Variants in CHODL observed in about 807,000 individuals in gnomAD.
CHODL encodes chondrolectin.
In CHODL, 29 loss-of-function variants were observed where a neutral mutation model predicts 34.5. The observed-to-expected ratio is 0.84, with a 90% CI of 0.63 to 1.15. CHODL has a LOEUF of 1.15. CHODL is among the 50% of genes most tolerant of loss of function. The probability of loss-of-function intolerance (pLI) is 0.00; values close to 1 mark genes in which losing one functional copy is unlikely to be tolerated. For missense variants in CHODL, 332 were observed against 332.5 expected (o/e 1.00, Z 0.01); for synonymous variants, 125 against 116.1 (o/e 1.08, Z -0.49).
At chr21:18,203,685 G>C (rs1055035228) in intron 2 of CHODL, among the ~76,000 whole-genome samples, 1 of 152,038 alleles carries the variant, frequency 6.6e-6, no homozygotes, top group Non-Finnish European at 1.5e-5. Context: ...CGAATATATA[G>C]TATTTAGAAA....
chr21:18,056,460 T>C (rs978767048), intron 2 of CHODL, among the ~76,000 whole-genome samples: 2 of 147,544 alleles, frequency 1.4e-5, no homozygotes, highest in Non-Finnish European at 3.0e-5. Context: ...TGCATTGGCA[T>C]GGGCCTATTT....
At position 17,990,815 on chromosome 21, in the gene CHODL, T is replaced by C. The variant is rs1425683275; in HGVS notation, c.-144-37057T>C. On this transcript the variant is annotated intron_variant, in intron 1 of 6. Transcript: ENST00000400127. ...CTAAAACATTTATTATTTGTGTTGG[T>C]TACAATTTAAAATGACTCTTCCAGC... Among the ~76,000 whole-genome samples the C allele has an allele frequency of 4.6e-5, 7 of 152,246 alleles. No individual in the cohort carries two copies. In the East Asian group the frequency reaches 1.3e-3, roughly 29 times the overall value.
At chr21:18,020,107 A>G (rs1016170678) in intron 1 of CHODL, among the ~76,000 whole-genome samples, 1 of 152,158 alleles carries the variant, frequency 6.6e-6, no homozygotes, top group African/African-American at 2.4e-5. Flanking sequence ...ATTACATGAT[A>G]TGAAGCAAAT....
intron 2 of CHODL, among the ~76,000 whole-genome samples, chr21:18,089,802 A>T (rs780477216): frequency 4.6e-5 from 7 of 152,234 alleles, no homozygotes; most frequent in South Asian, 2.1e-4. Flanking sequence ...GGATATTTCA[A>T]CACACTTATT....
intron 2 of CHODL, among the ~76,000 whole-genome samples, chr21:18,071,017 T>G (rs1353974737): frequency 6.6e-6 from 1 of 152,114 alleles, no homozygotes; most frequent in African/African-American, 2.4e-5. Flanking sequence ...TTTCTTATAC[T>G]AAGTCATTAA....
chr21:18,071,715 A>G (rs998753242), intron 2 of CHODL, among the ~76,000 whole-genome samples: 2 of 148,884 alleles, frequency 1.3e-5, no homozygotes, highest in Admixed American at 6.6e-5. Flanking sequence ...TTTCTATTTC[A>G]TTTCTATTTC....
At chr21:17,997,866 G>A (rs955898328) in intron 1 of CHODL, among the ~76,000 whole-genome samples, 1 of 151,986 alleles carries the variant, frequency 6.6e-6, no homozygotes, top group African/African-American at 2.4e-5. Context: ...AGATTTGGAT[G>A]GGGACACAGC....
intron 1 of CHODL, among the ~76,000 whole-genome samples, chr21:17,966,640 G>A (rs1329854952): frequency 6.6e-6 from 1 of 152,168 alleles, no homozygotes; most frequent in African/African-American, 2.4e-5. Context: ...TCATGTATCT[G>A]CAGCTACAGA....
intron 2 of CHODL, among the ~76,000 whole-genome samples, chr21:18,047,536 C>A (rs1456721552): frequency 6.6e-6 from 1 of 151,806 alleles, no homozygotes; most frequent in African/African-American, 2.4e-5. Flanking sequence ...TTATTTCTGG[C>A]TGAGCAGAGC....
At chr21:18,132,312 G>A (rs914104740) in intron 2 of CHODL, among the ~76,000 whole-genome samples, 14 of 152,184 alleles carry the variant, frequency 9.2e-5, no homozygotes, top group South Asian at 2.1e-4. Flanking sequence ...TAGAAAAAAG[G>A]ATTGTGAATT....
At chr21:18,104,574 C>G (rs1331644775) in intron 2 of CHODL, among the ~76,000 whole-genome samples, 1 of 152,090 alleles carries the variant, frequency 6.6e-6, no homozygotes, top group Non-Finnish European at 1.5e-5. Context: ...ACCCAAGGCT[C>G]AAACCATATG....
At chr21:18,164,427 G>A (rs1291351061) in intron 2 of CHODL, among the ~76,000 whole-genome samples, 2 of 152,194 alleles carry the variant, frequency 1.3e-5, no homozygotes, top group Admixed American at 1.3e-4. Flanking sequence ...AGACAACTTA[G>A]GAGTCTGGTG....
chr21:18,046,117 G>T (rs536113608), intron 2 of CHODL, among the ~76,000 whole-genome samples: 1 of 151,954 alleles, frequency 6.6e-6, no homozygotes, highest in Non-Finnish European at 1.5e-5. Context: ...ATAAAAGGGG[G>T]TCAGTGTGAG....
At chr21:18,114,658 C>T (rs1393163551) in intron 2 of CHODL, 1 of 152,242 alleles carries the variant, frequency 6.6e-6, no homozygotes, top group East Asian at 1.9e-4. Context: ...CTGGTCTCGA[C>T]CTCCTGACCT....
intron 2 of CHODL, among the ~76,000 whole-genome samples, chr21:18,116,417 A>G (rs1336542253): frequency 6.6e-6 from 1 of 152,164 alleles, no homozygotes; most frequent in Non-Finnish European, 1.5e-5. Context: ...ACCAGGTCTT[A>G]CTGTTTCTAA....
intron 1 of CHODL, among the ~76,000 whole-genome samples, chr21:17,995,313 G>A (rs2063838634): frequency 6.6e-6 from 1 of 152,170 alleles, no homozygotes; most frequent in African/African-American, 2.4e-5. Flanking sequence ...GAGGGCCATG[G>A]GGCTCTCCTG....
chr21:18,216,502 T>C (rs1016657990), intron 2 of CHODL, among the ~76,000 whole-genome samples: 2 of 151,976 alleles, frequency 1.3e-5, no homozygotes, highest in African/African-American at 4.8e-5. Flanking sequence ...TTCATTTTTT[T>C]AGCTTCCAAA....
intron 2 of CHODL, among the ~76,000 whole-genome samples, chr21:18,095,135 A>G (rs1275984065): frequency 2.6e-5 from 4 of 151,826 alleles, no homozygotes. Context: ...AAAAAAAAAA[A>G]GAAGGAAAGA....
chr21:18,171,407 C>G (rs922324134), intron 2 of CHODL, among the ~76,000 whole-genome samples: 3 of 149,832 alleles, frequency 2.0e-5, no homozygotes, highest in African/African-American at 7.4e-5. Flanking sequence ...GGGGGTTTCA[C>G]CTTGTTAGCC....
Sources: gnomAD v4.1 joint callset for allele counts (sites outside exome capture counted in the v4.1 genomes callset) on GRCh38, gnomAD v4.1.1 for gene constraint, MANE v1.5 for transcripts, NCBI Gene and HGNC (gene_info 2026-07-23, HGNC 2026-07-21) for gene names.